OR52N2: variants seen among roughly 807,000 people sequenced by gnomAD.
The protein encoded by OR52N2 is olfactory receptor 52N2.
For missense variants in OR52N2, 326 were observed against 196.6 expected, an observed-to-expected ratio of 1.66 and a Z score of -3.94; for synonymous variants, 129 against 72.0, an observed-to-expected ratio of 1.79 and a Z score of -4.01.
chr11:5,814,536 A>G (rs1846387459), intron 1 of OR52N2, among the ~76,000 whole-genome samples: 1 of 152,118 alleles, frequency 6.6e-6, no homozygotes, highest in Non-Finnish European at 1.5e-5. Context: ...AGAAACTTAT[A>G]TAATTAAAAC....
chr11:5,812,276 C>T (rs1338904125), intron 1 of OR52N2, among the ~76,000 whole-genome samples: 2 of 151,104 alleles, frequency 1.3e-5, no homozygotes, highest in Admixed American at 1.3e-4. Context: ...AGGCGGATCA[C>T]GAGGTCAGGA....
At position 5,821,192 on chromosome 11, in the gene OR52N2, T is replaced by G; in HGVS notation, c.857T>G (p.Leu286Arg). The G allele has an allele frequency of 1.3e-6, 1 of 781,066 alleles. No homozygotes were observed. The highest frequency in any genetic ancestry group is 2.4e-6 in the Non-Finnish European group (1 of 418,126). 48.4% of individuals were successfully genotyped at this position (781,066 alleles called of 1,614,324 possible). ...HIIVANLYLLLPPTMNPIVYG... is the reference protein window; with the variant it reads ...HIIVANLYLLRPPTMNPIVYG... The stretch of plus-strand genomic sequence containing the variant: ...ATCGTGGCCAACCTTTATCTGCTAC[T>G]GCCTCCTACCATGAACCCAATTGTT... The change falls in exon 2 of 2, where the codon CTG (leucine) becomes CGG (arginine). Residue 286 changes from leucine to arginine, a missense_variant. Physicochemically the swap from Leu to Arg is moderately radical, Grantham distance 102. Coordinates refer to ENST00000317037, the MANE Select transcript of OR52N2 (RefSeq NM_001005174.3).
intron 1 of OR52N2, among the ~76,000 whole-genome samples, chr11:5,817,596 C>G (rs544387106): frequency 1.3e-5 from 2 of 152,154 alleles, no homozygotes; most frequent in South Asian, 4.1e-4. Flanking sequence ...ACAGTATTTG[C>G]ACTAGTGAAG....
At chr11:5,816,310 C>A (rs1024661231) in intron 1 of OR52N2, among the ~76,000 whole-genome samples, 2 of 152,094 alleles carry the variant, frequency 1.3e-5, no homozygotes, top group African/African-American at 4.8e-5. Flanking sequence ...TATACCTGAA[C>A]ATGATTAAGA....
At chr11:5,815,418 T>C (rs1406467690) in intron 1 of OR52N2, among the ~76,000 whole-genome samples, 1 of 151,858 alleles carries the variant, frequency 6.6e-6, no homozygotes, top group Admixed American at 6.6e-5. Context: ...GGGCAAAGGA[T>C]TAGAATAGAC....
chr11:5,821,255 T>C lies in OR52N2; in HGVS notation c.920T>C (p.Ile307Thr), dbSNP rs769030073. The change falls in exon 2 of 2, where the codon ATT becomes ACT. Residue 307 changes from isoleucine to threonine, a missense_variant. By Grantham distance (89) the Ile-to-Thr change is moderately conservative (BLOSUM62 -1). Transcript: ENST00000317037. Reference sequence around the variant, plus strand: ...ACCAAGCAGATTCAGGAAGGTGTAATTAAATTTTTACTTGGAGACAAGGTT... The same window carrying C: ...ACCAAGCAGATTCAGGAAGGTGTAACTAAATTTTTACTTGGAGACAAGGTT... ...VKTKQIQEGV[I>T]KFLLGDKVSF... 5.1e-6 allele frequency: 4 copies of C among 780,764 alleles called. No homozygotes were observed. The South Asian group carries it at 5.4e-5, about 10-fold the overall frequency. The allele number at this position is 780,764 out of a possible 1,614,324, so 48.4% of individuals were successfully genotyped here.
intron 1 of OR52N2, among the ~76,000 whole-genome samples, 134 bp downstream of exon 1, chr11:5,809,188 C>G (rs1289402863): frequency 1.3e-5 from 2 of 152,164 alleles, no homozygotes; most frequent in African/African-American, 2.4e-5. Flanking sequence ...GGCAAAAGTT[C>G]TCTTAGCAAG....
At chr11:5,815,310 A>G (rs191879056) in intron 1 of OR52N2, among the ~76,000 whole-genome samples, 2 of 152,226 alleles carry the variant, frequency 1.3e-5, no homozygotes, top group East Asian at 1.9e-4. Context: ...GACCAGAAGA[A>G]AATATTTATA....
chr11:5,818,582 G>A (rs1021929590), intron 1 of OR52N2, among the ~76,000 whole-genome samples: 1 of 152,140 alleles, frequency 6.6e-6, no homozygotes, highest in Non-Finnish European at 1.5e-5. Context: ...TTTTAGGAAA[G>A]GGTAAAGACA....
chr11:5,820,319 T>G lies in OR52N2; in HGVS notation c.-17T>G, dbSNP rs200385411. 2.6e-6 allele frequency: 2 copies of G among 778,836 alleles called. No individual in the cohort carries two copies. Among genetic ancestry groups the G allele is most frequent in the Non-Finnish European group, 4.8e-6 (2 of 417,304 alleles). 48.2% of individuals were successfully genotyped at this position (778,836 alleles called of 1,614,324 possible). ...GGCTGCTAAAGAGTATAAAATGCTC[T>G]CCTCCTGTCAGCCATCATGTCTGGG... is the stretch of plus-strand genomic sequence containing the variant. On this transcript the variant is annotated 5_prime_UTR_variant, in exon 2 of 2. Transcript: ENST00000317037.
In OR52N2 at chr11:5,820,961, G is replaced by T. The variant is rs1273392714; in HGVS notation, c.626G>T (p.Gly209Val). The part of the protein sequence containing the change: ...IYGLMVALLI[G>V]VFDICCISVS... The stretch of plus-strand genomic sequence containing the variant: ...GGTCTGATGGTTGCTCTCCTGATTG[G>T]TGTGTTTGATATCTGCTGTATCTCT... Residue 209 changes from glycine to valine, a missense_variant, in exon 2 of 2, where the codon GGT (glycine) becomes GTT (valine). Coordinates refer to ENST00000317037, the MANE Select transcript of OR52N2 (RefSeq NM_001005174.3). The T allele has an allele frequency of 1.3e-6, 1 of 780,886 alleles. No homozygotes were observed. The highest frequency in any genetic ancestry group is 2.4e-5 in the East Asian group (1 of 41,230). The allele number at this position is 780,886 out of a possible 1,614,324, so 48.4% of individuals were successfully genotyped here.
At chr11:5,810,442 A>T (rs1473195160) in intron 1 of OR52N2, among the ~76,000 whole-genome samples, 1 of 152,246 alleles carries the variant, frequency 6.6e-6, no homozygotes, top group Non-Finnish European at 1.5e-5. Context: ...ACATTTTAAA[A>T]TGGAATTATG....
At chr11:5,819,210 A>AT (rs1846427163) in intron 1 of OR52N2, among the ~76,000 whole-genome samples, 2 of 140,912 alleles carry the variant, frequency 1.4e-5, no homozygotes, top group Admixed American at 7.2e-5. Context: ...TTTATTCCGA[A>AT]TAAAAAAAAA....
At chr11:5,814,445 T>A (rs1846386717) in intron 1 of OR52N2, among the ~76,000 whole-genome samples, 1 of 151,946 alleles carries the variant, frequency 6.6e-6, no homozygotes, top group Non-Finnish European at 1.5e-5. Flanking sequence ...ATAATAAAAT[T>A]ATATTTTATT....
rs182049546 is a variant in OR52N2, at chr11:5,819,622, T to C, written c.-54-660T>C. On this transcript the variant is annotated intron_variant, in intron 1 of 1. Transcript: ENST00000317037. ...GAACTTCCTTTCAAATTCCATGGTA[T>C]AGAAAAACATGATTTTGACATCAGA... 2.3e-3 allele frequency among the ~76,000 whole-genome samples: 344 copies of C among 152,302 alleles called. 1 individual carries two copies. Among genetic ancestry groups the C allele is most frequent in the African/African-American group, 8.0e-3 (332 of 41,566 alleles).
At chr11:5,820,101 T>C (rs1333221517) in intron 1 of OR52N2, among the ~76,000 whole-genome samples, 181 bp from the exon 2 acceptor site, 2 of 152,242 alleles carry the variant, frequency 1.3e-5, no homozygotes, top group African/African-American at 4.8e-5. Flanking sequence ...GCACATTGAG[T>C]AGTGGTAAGA....
Position 5,821,099 on chromosome 11 carries a change from T to G in OR52N2, c.764T>G (p.Val255Gly), listed in dbSNP as rs74377989. 0.052 allele frequency: 40,653 copies of G among 780,972 alleles called. 1,301 individuals are homozygous for G. The highest frequency in any genetic ancestry group is 0.078 in the African/African-American group (4,602 of 59,222). The allele number at this position is 780,972 out of a possible 1,614,324, so 48.4% of individuals were successfully genotyped here. The change falls in exon 2 of 2, where the codon GTT becomes GGT. Residue 255 changes from valine (V) to glycine (G), a missense_variant. Transcript: ENST00000317037. Reference sequence around the variant, plus strand: ...ATGTGTTCCATTGTGATCACCTATGTTGCTGCTTTTTTCACTTTTTTCACT... The same window carrying G: ...ATGTGTTCCATTGTGATCACCTATGGTGCTGCTTTTTTCACTTTTTTCACT... ...SHMCSIVITY[V>G]AAFFTFFTHR...
intron 1 of OR52N2, among the ~76,000 whole-genome samples, chr11:5,812,004 A>T (rs772416501): frequency 1.3e-5 from 2 of 152,180 alleles, no homozygotes; most frequent in African/African-American, 2.4e-5. Context: ...GTTCTCACTC[A>T]TAAGTGGGAA....
chr11:5,816,543 A>ATATTTTTTTTTTTTTTTT (rs1466351771), intron 1 of OR52N2, among the ~76,000 whole-genome samples: 1 of 140,812 alleles, frequency 7.1e-6, no homozygotes, highest in African/African-American at 2.7e-5. Flanking sequence ...CCTGATCTAA[A>ATATTTTTTTTTTTTTTTT]TCTTCTTTTT....
Sources: gnomAD v4.1 joint callset for allele counts (sites outside exome capture counted in the v4.1 genomes callset) on GRCh38, gnomAD v4.1.1 for gene constraint, MANE v1.5 for transcripts, NCBI Gene and HGNC (gene_info 2026-07-23, HGNC 2026-07-21) for gene names.